ADGRV1: variants seen among roughly 807,000 people sequenced by gnomAD.
ADGRV1 encodes the protein adhesion G protein-coupled receptor V1, also known as G-protein coupled receptor 98.
ADGRV1 carries 359 observed loss-of-function variants against 596.2 expected under a neutral mutation model. That is an observed-to-expected ratio of 0.60 (90% CI 0.55 to 0.66). The LOEUF (loss-of-function observed/expected upper bound fraction) is 0.66, where lower values mean the gene tolerates loss of function less well. Ranked by LOEUF, ADGRV1 falls within the 30% of genes least tolerant of loss-of-function variation. The pLI is 0.00. For synonymous variants in ADGRV1, 2,681 were observed against 2,679.2 expected, an observed-to-expected ratio of 1.00 and a Z score of -0.02; for missense variants, 7,274 against 7,575.6, an observed-to-expected ratio of 0.96 and a Z score of 1.48.
intron 85 of ADGRV1, among the ~76,000 whole-genome samples, chr5:91,042,314 A>C (rs1207871001): frequency 6.6e-6 from 1 of 152,210 alleles, no homozygotes; most frequent in Admixed American, 6.5e-5. Context: ...AGTACAGTTG[A>C]TATATTAAAA....
chr5:90,761,659 A>G (rs987898700), intron 58 of ADGRV1, among the ~76,000 whole-genome samples: 18 of 152,208 alleles, frequency 1.2e-4, no homozygotes, highest in African/African-American at 4.3e-4. Flanking sequence ...TGTTAAGCAC[A>G]CTTGTTCTGG....
At chr5:90,997,093 T>G (rs932211614) in intron 85 of ADGRV1, among the ~76,000 whole-genome samples, 3 of 152,050 alleles carry the variant, frequency 2.0e-5, no homozygotes, top group African/African-American at 7.2e-5. Context: ...CTGAAATGAG[T>G]TAATATTTGG....
At chr5:90,643,152 A>G in intron 13 of ADGRV1, 111 bp downstream of exon 13, 1 of 982,356 alleles carries the variant, frequency 1.0e-6, no homozygotes, top group South Asian at 2.0e-5. Context: ...GAGGTGGGCA[A>G]GAAAAGACTG....
intron 16 of ADGRV1, among the ~76,000 whole-genome samples, chr5:90,646,689 A>G (rs1042634736): frequency 6.6e-6 from 1 of 151,314 alleles, no homozygotes; most frequent in African/African-American, 2.4e-5. Flanking sequence ...TGTCAGCTAT[A>G]TATGGGTTAA....
chr5:90,788,210 C>T lies in ADGRV1; in HGVS notation c.13793C>T (p.Pro4598Leu), dbSNP rs1308517887. The change falls in exon 68 of 90, where the codon CCT (proline) becomes CTT (leucine). Residue 4598 changes from proline to leucine, a missense_variant. Pro to Leu is a moderately conservative substitution (Grantham distance 98, BLOSUM62 -3). Transcript: ENST00000405460. ...AGAACCATAATTCTGACAATCTATC[C>T]TCATGAAGAAATTGAAGTTGAAGAG... Reference protein sequence around the residue: ...GVRTIILTIYPHEEIEVEETF... With the variant: ...GVRTIILTIYLHEEIEVEETF... 2 of 1,613,710 alleles carry T rather than the reference C, an allele frequency of 1.2e-6. No individual in the cohort carries two copies. Among genetic ancestry groups the T allele is most frequent in the Non-Finnish European group, 8.5e-7 (1 of 1,179,698 alleles).
At chr5:90,961,487 C>CAAAAAA (rs34654014) in intron 83 of ADGRV1, among the ~76,000 whole-genome samples, 1 of 46,518 alleles carries the variant, frequency 2.1e-5, no homozygotes, top group Non-Finnish European at 4.2e-5. Flanking sequence ...GACTCCGTCT[C>CAAAAAA]AAAAAAAAAA....
At chr5:90,740,275 A>G (rs532932066) in intron 50 of ADGRV1, among the ~76,000 whole-genome samples, 95 of 152,076 alleles carry the variant, frequency 6.2e-4, no homozygotes, top group African/African-American at 2.2e-3. Flanking sequence ...TGGCTAGATC[A>G]CAGCTCTGTG....
chr5:90,928,297 A>C (rs1774745647), intron 83 of ADGRV1, among the ~76,000 whole-genome samples: 1 of 152,100 alleles, frequency 6.6e-6, no homozygotes, highest in South Asian at 2.1e-4. Context: ...GTCTTTTCAC[A>C]TAGTCTCATA....
At chr5:91,030,875 C>T in intron 85 of ADGRV1, 1 of 475,238 alleles carries the variant, frequency 2.1e-6, no homozygotes, top group Non-Finnish European at 3.7e-6. Flanking sequence ...TTTGAAAAGC[C>T]TCTGCCCCAC....
chr5:90,952,250 T>C (rs1459841572), intron 83 of ADGRV1, among the ~76,000 whole-genome samples: 1 of 152,204 alleles, frequency 6.6e-6, no homozygotes, highest in Admixed American at 6.5e-5. Flanking sequence ...TCTGACTTTC[T>C]TTTGATTTCT....
chr5:91,066,875 G>C (rs960791346), intron 85 of ADGRV1, among the ~76,000 whole-genome samples: 10 of 152,208 alleles, frequency 6.6e-5, no homozygotes, highest in Non-Finnish European at 1.3e-4. Flanking sequence ...AGAGAAGAAG[G>C]CAAGAGGAGC....
chr5:91,139,423 A>G (rs1562268679), intron 87 of ADGRV1, among the ~76,000 whole-genome samples: 1 of 152,230 alleles, frequency 6.6e-6, no homozygotes, highest in Non-Finnish European at 1.5e-5. Flanking sequence ...GGGTATCTCT[A>G]GAAGGGACAT....
In ADGRV1 at chr5:91,164,170, C is replaced by A. The variant is rs1415320521; in HGVS notation, c.*270C>A. The A allele has an allele frequency of 8.5e-6, 4 of 472,372 alleles. No individual in the cohort carries two copies. The highest frequency in any genetic ancestry group is 1.6e-5 in the Non-Finnish European group (4 of 254,938). 29.3% of individuals were successfully genotyped at this position (472,372 alleles called of 1,614,324 possible). On this transcript the variant is annotated 3_prime_UTR_variant, in exon 90 of 90. Coordinates refer to ENST00000405460, the MANE Select transcript of ADGRV1 (RefSeq NM_032119.4). ...TTGTTTTTTTAATCATCCTATATGGCTAACATTGTTTAATGAAAGTAATAA... is the reference window on the plus strand; with the variant it reads ...TTGTTTTTTTAATCATCCTATATGGATAACATTGTTTAATGAAAGTAATAA...
intron 34 of ADGRV1, among the ~76,000 whole-genome samples, chr5:90,702,131 TC>T (rs143766709): frequency 0.03 from 4,607 of 151,770 alleles, 219 homozygotes; most frequent in African/African-American, 0.11. Flanking sequence ...CCAAACTTGC[TC>T]TATAAGAAAT....
At chr5:91,050,139 C>A (rs1786184843) in intron 85 of ADGRV1, among the ~76,000 whole-genome samples, 2 of 152,322 alleles carry the variant, frequency 1.3e-5, no homozygotes, top group South Asian at 4.1e-4. Context: ...AGCATTAGGA[C>A]TCTTTTCCAG....
intron 11 of ADGRV1, among the ~76,000 whole-genome samples, chr5:90,640,511 C>A (rs1251647501): frequency 6.6e-6 from 1 of 152,046 alleles, no homozygotes; most frequent in East Asian, 1.9e-4. Flanking sequence ...GTTTGTGAGC[C>A]TGTACAGTGC....
intron 50 of ADGRV1, among the ~76,000 whole-genome samples, chr5:90,734,581 A>ATT (rs3045850): frequency 2.4e-3 from 242 of 101,084 alleles, no homozygotes; most frequent in Middle Eastern, 5.4e-3. Context: ...TCTTTAGCCT[A>ATT]TTTTTTTTTT....
intron 59 of ADGRV1, among the ~76,000 whole-genome samples, chr5:90,769,302 C>G (rs1458880797): frequency 6.6e-6 from 1 of 152,162 alleles, no homozygotes; most frequent in African/African-American, 2.4e-5. Context: ...TCTTTGCCTT[C>G]TACCCATTCC....
chr5:91,087,579 T>C (rs978373761), intron 86 of ADGRV1, among the ~76,000 whole-genome samples: 1 of 152,084 alleles, frequency 6.6e-6, no homozygotes, highest in Non-Finnish European at 1.5e-5. Flanking sequence ...ATGTATATAA[T>C]CATTGAGAGC....
Sources: allele counts gnomAD v4.1 joint callset (sites outside exome capture counted in the v4.1 genomes callset), GRCh38; gene constraint gnomAD v4.1.1; transcripts MANE v1.5; gene names NCBI Gene and HGNC (gene_info 2026-07-23, HGNC 2026-07-21).